Variants in SHANK2 observed in about 807,000 individuals in gnomAD.
The protein encoded by SHANK2 is SH3 and multiple ankyrin repeat domains 2, also known as SH3 and multiple ankyrin repeat domains protein 2.
SHANK2 carries 43 observed loss-of-function variants against 133.7 expected under a neutral mutation model. The observed-to-expected ratio is 0.32, with a 90% CI of 0.25 to 0.41. The LOEUF (loss-of-function observed/expected upper bound fraction) is 0.41, where lower values mean the gene tolerates loss of function less well. Ranked by LOEUF, SHANK2 falls within the 10% of genes least tolerant of loss-of-function variation. The pLI is 1.00. For missense variants in SHANK2, 1,994 were observed against 2,235.8 expected (o/e 0.89, Z 2.18); for synonymous variants, 1,017 against 952.8 (o/e 1.07, Z -1.24).
chr11:71,106,211 T>C (rs953466538), intron 6 of SHANK2, among the ~76,000 whole-genome samples: 7 of 152,200 alleles, frequency 4.6e-5, no homozygotes, highest in Admixed American at 2.0e-4. Context: ...TATAGAGAAA[T>C]ATCAGCTACT....
intron 17 of SHANK2, among the ~76,000 whole-genome samples, chr11:70,519,013 G>A (rs181129336): frequency 6.4e-4 from 97 of 152,250 alleles, no homozygotes; most frequent in Non-Finnish European, 1.1e-3. Flanking sequence ...GGGCTCAAGC[G>A]ATCCTCCCAC....
chr11:71,103,778 G>T (rs1170630041), intron 6 of SHANK2, among the ~76,000 whole-genome samples: 1 of 151,866 alleles, frequency 6.6e-6, no homozygotes, highest in Non-Finnish European at 1.5e-5. Flanking sequence ...CCTGACAATT[G>T]TGAGTGAATT....
rs1555148670 is a variant in SHANK2 at position 70,472,027 on chromosome 11, C to T, written c.*842G>A. On this transcript the variant is annotated 3_prime_UTR_variant, in exon 26 of 26. Coordinates refer to ENST00000601538, the MANE Select transcript of SHANK2 (RefSeq NM_012309.5). The surrounding 1 kb of genome is among the most constrained non-coding windows in gnomAD (Gnocchi z 4.4). ...AGACAACTGCTCTTGTCCTGGAGAC[C>T]TGGAGCTTGGGCAGTTGCACGCTGG... The T allele has an allele frequency of 6.6e-6, 1 of 152,632 alleles. No individual in the cohort carries two copies. Among genetic ancestry groups the T allele is most frequent in the South Asian group, 2.1e-4 (1 of 4,830 alleles). The allele number at this position is 152,632 out of a possible 1,614,324, so 9.5% of individuals were successfully genotyped here. A position where few individuals can be genotyped will look rare whatever the true frequency, so the allele number is the denominator to read the frequency against.
At chr11:71,218,933 C>T (rs1451880031) in intron 2 of SHANK2, among the ~76,000 whole-genome samples, 2 of 152,338 alleles carry the variant, frequency 1.3e-5, no homozygotes, top group East Asian at 3.9e-4. Flanking sequence ...GCAGCCTTCT[C>T]TGTAGGGCAC....
At chr11:71,111,309 G>C (rs144370026) in intron 5 of SHANK2, among the ~76,000 whole-genome samples, 1 of 152,174 alleles carries the variant, frequency 6.6e-6, no homozygotes, top group Non-Finnish European at 1.5e-5. Flanking sequence ...AACCCACTTT[G>C]TGGTGAACCC....
intron 11 of SHANK2, among the ~76,000 whole-genome samples, chr11:70,829,312 A>C (rs1948692207): frequency 6.6e-6 from 1 of 152,072 alleles, no homozygotes; most frequent in Non-Finnish European, 1.5e-5. Context: ...CTGGCCCAGA[A>C]AGGACCCTCA....
rs1276147172 is a variant in SHANK2, at chr11:70,497,041, G to C, written c.2308+3529C>G. 1.1e-5 allele frequency: 5 copies of C among 456,692 alleles called. No homozygotes were observed. The East Asian group carries it at 3.5e-4, about 32-fold the overall frequency. The allele number at this position is 456,692 out of a possible 1,614,324, so 28.3% of individuals were successfully genotyped here. On this transcript the variant is annotated intron_variant, in intron 21 of 25. Coordinates refer to ENST00000601538, the MANE Select transcript of SHANK2 (RefSeq NM_012309.5). ...AATGTTCTTTTGAACTAGAGCATGT[G>C]AGAGCAGCCGGGCGTGTTGGGGTGG... is the stretch of plus-strand genomic sequence containing the variant.
intron 17 of SHANK2, among the ~76,000 whole-genome samples, chr11:70,571,586 C>A (rs1215290072): frequency 6.6e-6 from 1 of 152,202 alleles, no homozygotes; most frequent in Non-Finnish European, 1.5e-5. Context: ...CAGGCTAATA[C>A]AGTGGCCTTG....
intron 2 of SHANK2, among the ~76,000 whole-genome samples, chr11:71,163,093 A>AAAAAAATATATATATATATATATAT: frequency 1.2e-5 from 1 of 84,676 alleles, no homozygotes; most frequent in Non-Finnish European, 2.5e-5. Flanking sequence ...AAAAAAAAAA[A>AAAAAAATATATATATATATATATAT]ATACATATAT....
intron 10 of SHANK2, among the ~76,000 whole-genome samples, chr11:70,946,138 A>C (rs1244926957): frequency 6.7e-6 from 1 of 150,294 alleles, no homozygotes; most frequent in Non-Finnish European, 1.5e-5. Context: ...CTCTCCGCTA[A>C]CTAACCCTTC....
intron 15 of SHANK2, among the ~76,000 whole-genome samples, chr11:70,683,211 C>A (rs1313833945): frequency 6.6e-6 from 1 of 152,096 alleles, no homozygotes; most frequent in Non-Finnish European, 1.5e-5. Flanking sequence ...CTCCTGTGCT[C>A]AAGCAATCCT....
At chr11:71,059,664 T>C (rs1950963567) in intron 9 of SHANK2, among the ~76,000 whole-genome samples, 1 of 152,084 alleles carries the variant, frequency 6.6e-6, no homozygotes, top group African/African-American at 2.4e-5. Context: ...CTCCACCCCA[T>C]GATGGTGATT....
intron 17 of SHANK2, among the ~76,000 whole-genome samples, chr11:70,559,402 C>T (rs2059877834): frequency 6.6e-6 from 1 of 152,146 alleles, no homozygotes; most frequent in African/African-American, 2.4e-5. Context: ...TTCCACACAC[C>T]ACGCTTCTTT....
chr11:70,789,996 T>C (rs782815243), intron 14 of SHANK2, among the ~76,000 whole-genome samples: 11 of 152,266 alleles, frequency 7.2e-5, no homozygotes, highest in Non-Finnish European at 1.3e-4. Flanking sequence ...AGTTTCCATG[T>C]ACACATAAGA....
chr11:70,806,738 A>G (rs1377738175), intron 13 of SHANK2, among the ~76,000 whole-genome samples: 1 of 152,024 alleles, frequency 6.6e-6, no homozygotes, highest in Non-Finnish European at 1.5e-5. Flanking sequence ...TGGCTCCCCC[A>G]CTGCCCTTCT....
intron 14 of SHANK2, among the ~76,000 whole-genome samples, chr11:70,745,696 T>C (rs1182924065): frequency 1.3e-5 from 2 of 152,200 alleles, no homozygotes; most frequent in Non-Finnish European, 2.9e-5. Context: ...GGCCCCCACC[T>C]GGCCCAGGGT....
In SHANK2 at chr11:70,485,402, G is replaced by A; in HGVS notation, c.4891C>T (p.Leu1631=). 1 of 1,614,062 alleles carries A rather than the reference G, an allele frequency of 6.2e-7. No individual in the cohort carries two copies. Among genetic ancestry groups the A allele is most frequent in the Non-Finnish European group, 8.5e-7 (1 of 1,180,042 alleles). The change falls in exon 25 of 26, where the codon CTA becomes TTA. Residue 1631 remains leucine (L), a synonymous_variant. Transcript: ENST00000601538. This position sits in a 1 kb window ranked among gnomAD's most constrained non-coding sequence, Gnocchi z 5.8. ...ANVISELNSI[L]QQMNREKLAK... ...AATTTCTCTCGGTTCATTTGCTGTA[G>A]GATAGAGTTCAATTCACTAATAACG...
intron 14 of SHANK2, among the ~76,000 whole-genome samples, chr11:70,782,122 T>C (rs1295717187): frequency 3.3e-5 from 5 of 152,210 alleles, no homozygotes; most frequent in African/African-American, 9.7e-5. Context: ...TGGAGTGCAG[T>C]GGTGTGATCT....
At chr11:70,845,587 C>T (rs895468489) in intron 11 of SHANK2, among the ~76,000 whole-genome samples, 2 of 152,106 alleles carry the variant, frequency 1.3e-5, no homozygotes, top group African/African-American at 2.4e-5. Context: ...CCAAACCACC[C>T]ACAAAGACCG....
Sources: allele counts gnomAD v4.1 joint callset (sites outside exome capture counted in the v4.1 genomes callset), GRCh38; gene constraint gnomAD v4.1.1; non-coding constraint Gnocchi (gnomAD v3.1); transcripts MANE v1.5; gene names NCBI Gene and HGNC (gene_info 2026-07-23, HGNC 2026-07-21).